The following RAP1GAP2 variants were observed in gnomAD, a reference collection of about 807,000 sequenced individuals.
RAP1GAP2 encodes the protein rap1 GTPase-activating protein 2.
Under a neutral mutation model 95.0 loss-of-function variants are expected in RAP1GAP2, and 27 were observed. The ratio of observed to expected loss-of-function variants is 0.28; its 90% CI spans 0.21 to 0.39. The LOEUF (loss-of-function observed/expected upper bound fraction) is 0.39, where lower values mean the gene tolerates loss of function less well. Ranked by LOEUF, RAP1GAP2 falls within the 10% of genes least tolerant of loss-of-function variation. The pLI is 1.00. For missense variants in RAP1GAP2, 771 were observed against 970.0 expected, an observed-to-expected ratio of 0.79 and a Z score of 2.72; for synonymous variants, 373 against 380.9, an observed-to-expected ratio of 0.98 and a Z score of 0.24.
chr17:2,971,550 T>C (rs2044867602), intron 8 of RAP1GAP2, among the ~76,000 whole-genome samples: 1 of 152,012 alleles, frequency 6.6e-6, no homozygotes, highest in African/African-American at 2.4e-5. Context: ...GCCTGAACAA[T>C]AGAATGGACC....
intron 2 of RAP1GAP2, among the ~76,000 whole-genome samples, chr17:2,880,716 A>T (rs1240517696): frequency 6.6e-6 from 1 of 152,012 alleles, no homozygotes; most frequent in Non-Finnish European, 1.5e-5. Context: ...TTCATAATGC[A>T]GGTTGGGTGT....
At chr17:2,807,650 C>T (rs1021631688) in intron 2 of RAP1GAP2, among the ~76,000 whole-genome samples, 21 of 152,098 alleles carry the variant, frequency 1.4e-4, no homozygotes, top group African/African-American at 4.8e-4. Context: ...CCGACCCTCA[C>T]GAAGGCAGTG....
intron 2 of RAP1GAP2, among the ~76,000 whole-genome samples, chr17:2,832,014 C>T (rs943730759): frequency 1.4e-5 from 2 of 148,126 alleles, no homozygotes; most frequent in African/African-American, 5.0e-5. Flanking sequence ...GACCAGCCTG[C>T]CCAATATGGC....
chr17:2,951,742 G>C (rs116929844), intron 3 of RAP1GAP2, among the ~76,000 whole-genome samples: 2 of 149,790 alleles, frequency 1.3e-5, no homozygotes, highest in South Asian at 2.1e-4. Flanking sequence ...ATAAAAAGAC[G>C]TGAAACCTAG....
rs569569652 is a variant in RAP1GAP2 at position 2,813,459 on chromosome 17, C to T, written c.80+12909C>T. On this transcript the variant is annotated intron_variant, in intron 2 of 24. Coordinates refer to ENST00000254695, the MANE Select transcript of RAP1GAP2 (RefSeq NM_015085.5). Reference sequence around the variant, plus strand: ...CCAAGGGATACACAAGTGTGGTGACCGTCAGTGGTTGGGCAATGACTCAGG... The same window carrying T: ...CCAAGGGATACACAAGTGTGGTGACTGTCAGTGGTTGGGCAATGACTCAGG... 1.1e-4 allele frequency among the ~76,000 whole-genome samples: 17 copies of T among 152,280 alleles called. No homozygotes were observed. The East Asian group carries it at 3.3e-3, about 29-fold the overall frequency.
intron 3 of RAP1GAP2, among the ~76,000 whole-genome samples, chr17:2,941,235 C>T (rs1023513995): frequency 2.0e-5 from 3 of 152,042 alleles, no homozygotes; most frequent in Non-Finnish European, 4.4e-5. Context: ...AACCCCGTCT[C>T]TACTAAAAAC....
At chr17:2,987,205 G>A (rs1254827196) in intron 11 of RAP1GAP2, among the ~76,000 whole-genome samples, 1 of 152,164 alleles carries the variant, frequency 6.6e-6, no homozygotes, top group African/African-American at 2.4e-5. Context: ...CTAGAGTGCG[G>A]TGTTTCCCAG....
At position 2,983,214 on chromosome 17, in the gene RAP1GAP2, C is replaced by T. The variant is rs139980955; in HGVS notation, c.730-1769C>T. ...CCTCTCGCATAACGCGTGGTTGAAT[C>T]CCTCCTTTTTTTTTTTCTTTTTTAA... On this transcript the variant is annotated intron_variant, in intron 10 of 24. Coordinates refer to ENST00000254695, the MANE Select transcript of RAP1GAP2 (RefSeq NM_015085.5). Among the ~76,000 whole-genome samples, 398 of 148,588 alleles carry T rather than the reference C, an allele frequency of 2.7e-3. 1 individual carries two copies. Among genetic ancestry groups the T allele is most frequent in the South Asian group, 0.013 (61 of 4,752 alleles).
In RAP1GAP2 at chr17:2,964,081, G is replaced by T; in HGVS notation, c.492+13G>T. 1 of 1,601,078 alleles carries T rather than the reference G, an allele frequency of 6.2e-7. No homozygotes were observed. The highest frequency in any genetic ancestry group is 8.5e-7 in the Non-Finnish European group (1 of 1,172,994). On this transcript the variant is annotated intron_variant, in intron 7 of 24. Coordinates refer to ENST00000254695, the MANE Select transcript of RAP1GAP2 (RefSeq NM_015085.5). ...CTTCCTGGGGAAGGTGAGGCTGGGG[G>T]AGAGGAGCTGCTGGGGGTTGGGGGC...
chr17:3,000,250 A>G (rs2046107073), intron 14 of RAP1GAP2, among the ~76,000 whole-genome samples: 3 of 152,208 alleles, frequency 2.0e-5, no homozygotes, highest in Admixed American at 2.0e-4. Context: ...TGCCCAGCCC[A>G]TTTCTTGAAG....
At chr17:2,886,926 G>A (rs2073523550) in intron 2 of RAP1GAP2, among the ~76,000 whole-genome samples, 1 of 152,170 alleles carries the variant, frequency 6.6e-6, no homozygotes, top group Non-Finnish European at 1.5e-5. Flanking sequence ...CCGTCTCTGA[G>A]CCTCAGTTTC....
chr17:3,014,802 G>A (rs8080458), intron 17 of RAP1GAP2, among the ~76,000 whole-genome samples: 103,641 of 151,738 alleles, frequency 0.68, 35,509 homozygotes, highest in Admixed American at 0.7. Context: ...GGTGATCCAC[G>A]TGCCTCCACT....
chr17:2,811,961 C>G (rs758197267), intron 2 of RAP1GAP2, among the ~76,000 whole-genome samples: 1 of 152,124 alleles, frequency 6.6e-6, no homozygotes, highest in Non-Finnish European at 1.5e-5. Context: ...GTGATCCCCC[C>G]AGCTCGGCCT....
At chr17:2,875,611 C>A (rs2073060022) in intron 2 of RAP1GAP2, among the ~76,000 whole-genome samples, 1 of 152,114 alleles carries the variant, frequency 6.6e-6, no homozygotes, top group Non-Finnish European at 1.5e-5. Flanking sequence ...CTTTTCAGTG[C>A]CTCTCTGGGC....
intron 1 of RAP1GAP2, among the ~76,000 whole-genome samples, chr17:2,787,614 C>T (rs2068818385): frequency 1.3e-5 from 2 of 152,132 alleles, no homozygotes; most frequent in South Asian, 4.1e-4. Context: ...GTCGCCCAGG[C>T]TGGAGTGCAG....
At chr17:2,765,691 T>G (rs531090537) in intron 1 of RAP1GAP2, among the ~76,000 whole-genome samples, 6 of 149,192 alleles carry the variant, frequency 4.0e-5, no homozygotes, top group Admixed American at 6.7e-5. Context: ...TGCAGTGAGC[T>G]GAGATCGCGC....
intron 1 of RAP1GAP2, among the ~76,000 whole-genome samples, chr17:2,757,888 G>A (rs912161546): frequency 7.8e-6 from 1 of 128,580 alleles, no homozygotes. Context: ...TTTTTTTTTT[G>A]AGATGGAGTC....
chr17:2,853,260 C>A (rs1404543811), intron 2 of RAP1GAP2, among the ~76,000 whole-genome samples: 2 of 151,574 alleles, frequency 1.3e-5, no homozygotes, highest in Non-Finnish European at 2.9e-5. Flanking sequence ...CCGGGGCGGG[C>A]GCCGGGCTCA....
At chr17:3,013,632 C>CTTTTTTTTTTTTTT (rs998163717) in intron 17 of RAP1GAP2, among the ~76,000 whole-genome samples, 3 of 78,852 alleles carry the variant, frequency 3.8e-5, no homozygotes, top group South Asian at 5.4e-4. Flanking sequence ...CTTTTCTTTT[C>CTTTTTTTTTTTTTT]TTTTTTTTTT....
Sources: allele counts gnomAD v4.1 joint callset (sites outside exome capture counted in the v4.1 genomes callset), GRCh38; gene constraint gnomAD v4.1.1; transcripts MANE v1.5; gene names NCBI Gene and HGNC (gene_info 2026-07-23, HGNC 2026-07-21).